The following ORC4 variants were observed in gnomAD, a reference collection of about 807,000 sequenced individuals.
ORC4 encodes origin recognition complex subunit 4.
In ORC4, 55 loss-of-function variants were observed where a neutral mutation model predicts 63.9. That is an observed-to-expected ratio of 0.86 (90% CI 0.69 to 1.08). ORC4 has a LOEUF of 1.08. Among genes scored for constraint, ORC4 ranks in the 50% least tolerant of loss-of-function variants. The pLI is 0.00. For synonymous variants in ORC4, 150 were observed against 168.5 expected, an observed-to-expected ratio of 0.89 and a Z score of 0.85; for missense variants, 511 against 504.4, an observed-to-expected ratio of 1.01 and a Z score of -0.13.
chr2:148,007,321 C>T (rs6724719), intron 1 of ORC4, among the ~76,000 whole-genome samples: 49,573 of 151,994 alleles, frequency 0.33, 8,339 homozygotes, highest in East Asian at 0.52. Flanking sequence ...TTCAAAATAG[C>T]GGTCTTGAGA....
intron 4 of ORC4, 101 bp downstream of exon 4, chr2:147,972,638 T>C (rs1690282980): frequency 1.7e-6 from 1 of 587,420 alleles, no homozygotes; most frequent in African/African-American, 1.9e-5. Flanking sequence ...AAAAGTATTT[T>C]CAGTATTACA....
At chr2:148,021,234 A>G, upstream of ORC4, 1 of 257,284 alleles carries the variant, frequency 3.9e-6, no homozygotes, top group Non-Finnish European at 8.0e-6. Flanking sequence ...GGGTGGGGGG[A>G]AGGCGGCTGA....
chr2:147,968,356 A>G (rs1433334994), intron 4 of ORC4, among the ~76,000 whole-genome samples: 1 of 152,124 alleles, frequency 6.6e-6, no homozygotes, highest in Non-Finnish European at 1.5e-5. Flanking sequence ...TGAAAAGACA[A>G]TCTACAGAAT....
At chr2:148,019,831 A>C (rs1385546194) in intron 1 of ORC4, among the ~76,000 whole-genome samples, 1 of 152,086 alleles carries the variant, frequency 6.6e-6, no homozygotes, top group African/African-American at 2.4e-5. Flanking sequence ...CCTTTCTTAA[A>C]TATTTTGAGT....
At chr2:147,943,814 G>T (rs976431499) in intron 9 of ORC4, among the ~76,000 whole-genome samples, 1 of 152,076 alleles carries the variant, frequency 6.6e-6, no homozygotes, top group African/African-American at 2.4e-5. Context: ...AGTCATACTA[G>T]TGAAATGAAC....
chr2:147,980,840 G>T (rs925719190), intron 1 of ORC4, among the ~76,000 whole-genome samples: 29 of 152,110 alleles, frequency 1.9e-4, no homozygotes, highest in Admixed American at 1.6e-3. Context: ...CAAATTACAT[G>T]ACCGGTAATC....
intron 4 of ORC4, among the ~76,000 whole-genome samples, 192 bp from the exon 5 acceptor site, chr2:147,959,058 C>G (rs1471215276): frequency 1.3e-5 from 2 of 151,892 alleles, no homozygotes; most frequent in East Asian, 3.9e-4. Context: ...GAAACAAGAG[C>G]CAGGACTGAT....
intron 1 of ORC4, among the ~76,000 whole-genome samples, chr2:147,978,460 GT>G (rs745424783): frequency 6.6e-6 from 1 of 152,216 alleles, no homozygotes; most frequent in Non-Finnish European, 1.5e-5. Context: ...CTTCAGGGCT[GT>G]TTCAGTATTT....
chr2:147,996,107 C>A (rs1691956196), intron 1 of ORC4, among the ~76,000 whole-genome samples: 1 of 152,066 alleles, frequency 6.6e-6, no homozygotes, highest in South Asian at 2.1e-4. Context: ...GATCCGAGAC[C>A]ATCCTGGCCA....
chr2:147,966,787 T>C (rs186921285), intron 4 of ORC4, among the ~76,000 whole-genome samples: 2 of 152,260 alleles, frequency 1.3e-5, no homozygotes, highest in East Asian at 3.9e-4. Context: ...AAGGAATTAA[T>C]GCCAATTCTT....
intron 1 of ORC4, among the ~76,000 whole-genome samples, chr2:147,986,555 A>G (rs143181126): frequency 2.0e-5 from 3 of 152,344 alleles, no homozygotes; most frequent in African/African-American, 7.2e-5. Flanking sequence ...TGGTGTCATA[A>G]TATCTACAAA....
At chr2:147,997,226 C>T (rs910812861) in intron 1 of ORC4, among the ~76,000 whole-genome samples, 1 of 152,118 alleles carries the variant, frequency 6.6e-6, no homozygotes, top group South Asian at 2.1e-4. Context: ...TTTTAGTGAT[C>T]TTTTCACTAA....
At chr2:147,957,774 G>C (rs982007245) in intron 6 of ORC4, among the ~76,000 whole-genome samples, 1 of 152,034 alleles carries the variant, frequency 6.6e-6, no homozygotes, top group Non-Finnish European at 1.5e-5. Context: ...GTGAAGTATG[G>C]ATAATAAAAT....
intron 4 of ORC4, among the ~76,000 whole-genome samples, chr2:147,965,104 G>C (rs757123349): frequency 6.6e-6 from 1 of 152,096 alleles, no homozygotes; most frequent in Non-Finnish European, 1.5e-5. Context: ...CCACCATCAT[G>C]AAAACAGGGA....
At chr2:147,947,996 A>T in intron 9 of ORC4, 55 bp downstream of exon 9, 1 of 1,394,786 alleles carries the variant, frequency 7.2e-7, no homozygotes, top group Non-Finnish European at 1.0e-6. Context: ...TTTGTGTTTT[A>T]ATTGCTTTAA....
rs1688457566 is a variant in ORC4 at position 147,943,132 on chromosome 2, T to C, written c.849+304A>G. Among the ~76,000 whole-genome samples, 3 of 152,062 alleles carry C rather than the reference T, an allele frequency of 2.0e-5. No homozygotes were observed. The South Asian group carries it at 6.2e-4, about 32-fold the overall frequency. The stretch of plus-strand genomic sequence containing the variant: ...AAACAAGAAATCAAATAAAAGGAGA[T>C]ATGAACCCTATTCAGAGATTGGAAC... On this transcript the variant is annotated intron_variant, in intron 10 of 13. Coordinates refer to ENST00000392857, the MANE Select transcript of ORC4 (RefSeq NM_181741.4).
chr2:147,955,881 T>C (rs1291665482), intron 6 of ORC4, among the ~76,000 whole-genome samples: 2 of 152,002 alleles, frequency 1.3e-5, no homozygotes, highest in East Asian at 3.8e-4. Context: ...GAAAAGGCTT[T>C]TTTGAAACAT....
intron 4 of ORC4, among the ~76,000 whole-genome samples, chr2:147,966,208 C>T (rs906485269): frequency 6.6e-6 from 1 of 151,916 alleles, no homozygotes; most frequent in African/African-American, 2.4e-5. Flanking sequence ...AAGGAACACA[C>T]AGCAAAAGCA....
chr2:147,998,303 C>T (rs1316739034), intron 1 of ORC4, among the ~76,000 whole-genome samples: 1 of 152,152 alleles, frequency 6.6e-6, no homozygotes, highest in African/African-American at 2.4e-5. Flanking sequence ...TTTATCACCA[C>T]CAAAGCTAAT....
Sources: allele counts gnomAD v4.1 joint callset (sites outside exome capture counted in the v4.1 genomes callset), GRCh38; gene constraint gnomAD v4.1.1; transcripts MANE v1.5; gene names NCBI Gene and HGNC (gene_info 2026-07-23, HGNC 2026-07-21).